Variants in AKAP19 observed in about 807,000 individuals in gnomAD.
The protein encoded by AKAP19 is small A-kinase anchoring protein.
chr2:190,203,175 C>A, the AKAP19 span: 1 of 166,904 alleles, frequency 6.0e-6, no homozygotes, highest in East Asian at 1.9e-4. Flanking sequence ...TTTTAGAAAT[C>A]GAAAGTTAGA....
chr2:189,893,157 T>C, the AKAP19 span, among the ~76,000 whole-genome samples: 2 of 152,326 alleles, frequency 1.3e-5, no homozygotes, highest in African/African-American at 4.8e-5. Context: ...CAGTGGATCT[T>C]AGCTTGCTGG....
the AKAP19 span, among the ~76,000 whole-genome samples, chr2:190,182,437 A>G: frequency 6.6e-6 from 1 of 152,230 alleles, no homozygotes; most frequent in South Asian, 2.1e-4. Context: ...ACAGCCTTTC[A>G]GATCCCTGAG....
the AKAP19 span, among the ~76,000 whole-genome samples, chr2:190,038,907 C>CT: frequency 9.5e-3 from 715 of 75,592 alleles, 9 homozygotes; most frequent in African/African-American, 0.064. Flanking sequence ...TTTCTTTCTT[C>CT]TTCTTCTTCT....
At chr2:189,959,949 A>G in the AKAP19 span, among the ~76,000 whole-genome samples, 1 of 152,212 alleles carries the variant, frequency 6.6e-6, no homozygotes, top group Non-Finnish European at 1.5e-5. Context: ...ATAATGTAAC[A>G]TTTATGTAGG....
the AKAP19 span, among the ~76,000 whole-genome samples, chr2:189,925,570 G>A: frequency 2.0e-4 from 30 of 152,242 alleles, no homozygotes; most frequent in Non-Finnish European, 3.4e-4. Flanking sequence ...CATCCAACTG[G>A]ACATGTCCAT....
chr2:190,173,965 GTCCTTAGTCACCTGCTCTGTCCTTAGTCA>G, the AKAP19 span, among the ~76,000 whole-genome samples: 1 of 151,916 alleles, frequency 6.6e-6, no homozygotes, highest in Admixed American at 6.6e-5. Context: ...CACCTGCTCT[GTCCTTAGTCACCTGCTCTGTCCTTAGTCA>G]TCCTTAGTCA....
chr2:190,104,933 T>C, the AKAP19 span, among the ~76,000 whole-genome samples: 9 of 151,928 alleles, frequency 5.9e-5, no homozygotes, highest in Non-Finnish European at 1.3e-4. Context: ...AAAACTACAA[T>C]GAGATACCAT....
At chr2:190,131,452 C>T in the AKAP19 span, among the ~76,000 whole-genome samples, 1 of 152,172 alleles carries the variant, frequency 6.6e-6, no homozygotes, top group Non-Finnish European at 1.5e-5. Flanking sequence ...GTTGAAGTGG[C>T]TTGAGAGGGT....
At chr2:190,199,728 GA>G in the AKAP19 span, 2 of 1,488,846 alleles carry the variant, frequency 1.3e-6, no homozygotes, top group Non-Finnish European at 1.8e-6. Flanking sequence ...TGGTGAAAGG[GA>G]ACATTGATTA....
the AKAP19 span, among the ~76,000 whole-genome samples, chr2:190,180,147 CTT>C: frequency 6.6e-6 from 1 of 152,252 alleles, no homozygotes; most frequent in African/African-American, 2.4e-5. The surrounding 1 kb of genome is among the most constrained non-coding windows in gnomAD (Gnocchi z 6.8). Flanking sequence ...ACTTCCAACA[CTT>C]TTGCTCTGCA....
At chr2:189,972,468 C>CT in the AKAP19 span, among the ~76,000 whole-genome samples, 1 of 152,160 alleles carries the variant, frequency 6.6e-6, no homozygotes, top group African/African-American at 2.4e-5. Context: ...AATGCGGGCT[C>CT]TTTTTTGGTT....
the AKAP19 span, among the ~76,000 whole-genome samples, chr2:190,051,497 A>G: frequency 3.3e-5 from 5 of 152,192 alleles, no homozygotes; most frequent in African/African-American, 9.7e-5. Context: ...CATAGTCCAC[A>G]CACCTGTCTC....
chr2:190,015,505 T>G, the AKAP19 span, among the ~76,000 whole-genome samples: 2 of 152,216 alleles, frequency 1.3e-5, no homozygotes. Flanking sequence ...CCTGTAGGCC[T>G]CTGGGCCTGT....
At chr2:190,028,126 A>G in the AKAP19 span, among the ~76,000 whole-genome samples, 1 of 151,986 alleles carries the variant, frequency 6.6e-6, no homozygotes, top group Non-Finnish European at 1.5e-5. Flanking sequence ...CTTTTTTATT[A>G]TCCTTATTCC....
At chr2:190,041,984 T>G in the AKAP19 span, among the ~76,000 whole-genome samples, 2 of 152,158 alleles carry the variant, frequency 1.3e-5, no homozygotes, top group Admixed American at 1.3e-4. Flanking sequence ...CTTTCTTTTT[T>G]TATTGTGTCT....
the AKAP19 span, among the ~76,000 whole-genome samples, chr2:189,988,645 A>G: frequency 2.6e-5 from 4 of 152,182 alleles, no homozygotes; most frequent in African/African-American, 9.7e-5. Flanking sequence ...AGAGGGAGCG[A>G]ATCTTTTCTA....
the AKAP19 span, among the ~76,000 whole-genome samples, chr2:190,184,223 G>A: frequency 2.0e-5 from 3 of 152,168 alleles, no homozygotes; most frequent in Non-Finnish European, 2.9e-5. Flanking sequence ...GAAGCTGAAT[G>A]GGAGGGAGTA....
chr2:189,889,120 G>A, the AKAP19 span, among the ~76,000 whole-genome samples: 2 of 150,490 alleles, frequency 1.3e-5, no homozygotes, highest in Non-Finnish European at 3.0e-5. Flanking sequence ...TCAATACCTA[G>A]TTTATTGAGA....
the AKAP19 span, among the ~76,000 whole-genome samples, chr2:190,119,327 C>A: frequency 6.6e-6 from 1 of 152,204 alleles, no homozygotes; most frequent in Non-Finnish European, 1.5e-5. Context: ...TAGTATCAGC[C>A]AGTTATAGGC....
Sources: gnomAD v4.1 joint callset for allele counts (sites outside exome capture counted in the v4.1 genomes callset) on GRCh38, gnomAD v4.1.1 for gene constraint, Gnocchi (gnomAD v3.1) non-coding constraint, MANE v1.5 for transcripts, NCBI Gene and HGNC (gene_info 2026-07-23, HGNC 2026-07-21) for gene names.